The following HS6ST3 variants were observed in gnomAD, a reference collection of about 807,000 sequenced individuals.
HS6ST3 encodes heparan sulfate 6-O-sulfotransferase 3.
Under a neutral mutation model 36.7 loss-of-function variants are expected in HS6ST3, and 12 were observed. That is an observed-to-expected ratio of 0.33 (90% CI 0.21 to 0.53). The LOEUF (loss-of-function observed/expected upper bound fraction) is 0.53. Among genes scored for constraint, HS6ST3 ranks in the 20% least tolerant of loss-of-function variants. The pLI, the probability that HS6ST3 is intolerant of heterozygous loss-of-function variation, is 0.95. For missense variants in HS6ST3, 584 were observed against 640.9 expected (o/e 0.91, Z 0.96); for synonymous variants, 240 against 257.5 (o/e 0.93, Z 0.65).
At chr13:96,306,871 T>G (rs921493037) in intron 1 of HS6ST3, among the ~76,000 whole-genome samples, 1 of 152,188 alleles carries the variant, frequency 6.6e-6, no homozygotes, top group African/African-American at 2.4e-5. Context: ...TAATAAATAA[T>G]TTTCATCATC....
At chr13:96,301,067 A>G (rs979103198) in intron 1 of HS6ST3, among the ~76,000 whole-genome samples, 1 of 152,168 alleles carries the variant, frequency 6.6e-6, no homozygotes, top group Non-Finnish European at 1.5e-5. Context: ...TATGCTGCAC[A>G]AGAGATGTAT....
intron 1 of HS6ST3, among the ~76,000 whole-genome samples, chr13:96,808,626 C>A (rs1205434198): frequency 6.6e-6 from 1 of 152,056 alleles, no homozygotes; most frequent in Non-Finnish European, 1.5e-5. Flanking sequence ...TGAAGATAAC[C>A]CAACCTCTTC....
At chr13:96,683,804 T>C (rs1874687518) in intron 1 of HS6ST3, among the ~76,000 whole-genome samples, 1 of 152,112 alleles carries the variant, frequency 6.6e-6, no homozygotes. Context: ...TATTTCTATC[T>C]TCAGTTTAAT....
chr13:96,800,921 T>C (rs1172032849), intron 1 of HS6ST3, among the ~76,000 whole-genome samples: 2 of 152,110 alleles, frequency 1.3e-5, no homozygotes, highest in Non-Finnish European at 2.9e-5. Flanking sequence ...CTGCCCTATT[T>C]GTATTTATCC....
At chr13:96,233,751 G>T (rs532090473) in intron 1 of HS6ST3, among the ~76,000 whole-genome samples, 4 of 152,270 alleles carry the variant, frequency 2.6e-5, no homozygotes, top group Non-Finnish European at 5.9e-5. Flanking sequence ...TGGAGAGGTT[G>T]GGCAGCAAGC....
intron 1 of HS6ST3, among the ~76,000 whole-genome samples, chr13:96,222,759 C>T (rs781376287): frequency 3.3e-5 from 5 of 152,232 alleles, no homozygotes; most frequent in South Asian, 2.1e-4. Context: ...GACTTCTATG[C>T]CTTCTATGCC....
chr13:96,335,668 G>A (rs2055097000), intron 1 of HS6ST3, among the ~76,000 whole-genome samples: 1 of 152,194 alleles, frequency 6.6e-6, no homozygotes, highest in African/African-American at 2.4e-5. Context: ...AGTTGACTAA[G>A]GTACCCACCC....
intron 1 of HS6ST3, among the ~76,000 whole-genome samples, chr13:96,586,888 A>G (rs771072177): frequency 1.3e-5 from 2 of 152,162 alleles, no homozygotes; most frequent in African/African-American, 2.4e-5. Context: ...GACCAGTGTC[A>G]TAGAACTTTT....
intron 1 of HS6ST3, among the ~76,000 whole-genome samples, chr13:96,646,137 C>T (rs1268182494): frequency 1.3e-5 from 2 of 152,092 alleles, no homozygotes; most frequent in Admixed American, 6.6e-5. Flanking sequence ...TAAATAATGT[C>T]GCCATGTTAT....
chr13:96,455,304 C>T (rs774849971), intron 1 of HS6ST3, among the ~76,000 whole-genome samples: 1 of 152,202 alleles, frequency 6.6e-6, no homozygotes, highest in African/African-American at 2.4e-5. Flanking sequence ...TGGCTCACTG[C>T]AGCCTCCTGG....
intron 1 of HS6ST3, among the ~76,000 whole-genome samples, chr13:96,546,690 G>A (rs1161866985): frequency 3.3e-5 from 5 of 152,188 alleles, no homozygotes; most frequent in Non-Finnish European, 5.9e-5. Flanking sequence ...CATCGTAGGG[G>A]TGTGTTAAAA....
intron 1 of HS6ST3, among the ~76,000 whole-genome samples, chr13:96,492,277 C>A (rs1010139008): frequency 1.3e-5 from 2 of 152,184 alleles, no homozygotes; most frequent in African/African-American, 2.4e-5. Flanking sequence ...TCTACAGCAA[C>A]TAAAAAGACT....
At chr13:96,325,732 T>A (rs2055027599) in intron 1 of HS6ST3, among the ~76,000 whole-genome samples, 1 of 152,100 alleles carries the variant, frequency 6.6e-6, no homozygotes, top group Non-Finnish European at 1.5e-5. Flanking sequence ...GGACTATGAA[T>A]GGAGTCTGGA....
chr13:96,613,657 T>C (rs934880868), intron 1 of HS6ST3, among the ~76,000 whole-genome samples: 7 of 152,240 alleles, frequency 4.6e-5, no homozygotes, highest in Non-Finnish European at 5.9e-5. Context: ...CATTTAAGTT[T>C]TTTTAAGTTC....
At chr13:96,130,151 G>T (rs1337741405) in intron 1 of HS6ST3, among the ~76,000 whole-genome samples, 3 of 152,166 alleles carry the variant, frequency 2.0e-5, no homozygotes, top group African/African-American at 7.2e-5. Flanking sequence ...TAACTTTTTG[G>T]TATATACATT....
At chr13:96,456,077 A>G (rs1398856096) in intron 1 of HS6ST3, among the ~76,000 whole-genome samples, 1 of 152,220 alleles carries the variant, frequency 6.6e-6, no homozygotes, top group African/African-American at 2.4e-5. Flanking sequence ...TAGTTGGACA[A>G]TGGAATTATA....
intron 1 of HS6ST3, among the ~76,000 whole-genome samples, chr13:96,251,359 T>C (rs1358931645): frequency 1.4e-4 from 21 of 152,178 alleles, no homozygotes; most frequent in Non-Finnish European, 4.4e-5. Flanking sequence ...GTCTAGGTTA[T>C]CCAATTTGTA....
At chr13:96,701,314 C>G (rs1330486956) in intron 1 of HS6ST3, among the ~76,000 whole-genome samples, 1 of 152,132 alleles carries the variant, frequency 6.6e-6, no homozygotes, top group Non-Finnish European at 1.5e-5. Context: ...AATTACTGGT[C>G]TGATGATGTA....
At chr13:96,793,466 G>T (rs187932864) in intron 1 of HS6ST3, among the ~76,000 whole-genome samples, 127 of 152,178 alleles carry the variant, frequency 8.3e-4, no homozygotes, top group African/African-American at 2.8e-3. Context: ...ATTGATAAAT[G>T]TGATGGCAAG....
Sources: allele counts gnomAD v4.1 joint callset (sites outside exome capture counted in the v4.1 genomes callset), GRCh38; gene constraint gnomAD v4.1.1; transcripts MANE v1.5; gene names NCBI Gene and HGNC (gene_info 2026-07-23, HGNC 2026-07-21).